Variants in GPC5 observed in about 807,000 individuals in gnomAD.
GPC5 encodes glypican 5.
GPC5 carries 47 observed loss-of-function variants against 53.9 expected under a neutral mutation model. The ratio of observed to expected loss-of-function variants is 0.87; its 90% confidence interval spans 0.69 to 1.11. The LOEUF is 1.11. Among genes scored for constraint, GPC5 ranks in the 50% most tolerant of loss-of-function variants. The probability of loss-of-function intolerance (pLI) is 0.00; values close to 1 mark genes in which losing one functional copy is unlikely to be tolerated. For synonymous variants in GPC5, 286 were observed against 263.3 expected (o/e 1.09, Z -0.84); for missense variants, 748 against 713.1 (o/e 1.05, Z -0.56).
intron 7 of GPC5, among the ~76,000 whole-genome samples, chr13:92,641,986 C>A (rs962151201): frequency 1.3e-5 from 2 of 151,886 alleles, no homozygotes; most frequent in African/African-American, 4.8e-5. Flanking sequence ...TATTCTGTTA[C>A]CAGATTTGTA....
chr13:91,994,961 T>TTTTTTAATTTTTTA (rs2040490312), intron 6 of GPC5: 1 of 149,890 alleles, frequency 6.7e-6, no homozygotes, highest in African/African-American at 2.5e-5. Flanking sequence ...CAAACTTACC[T>TTTTTTAATTTTTTA]TTTTTTATTT....
intron 6 of GPC5, among the ~76,000 whole-genome samples, chr13:92,001,593 T>G (rs1390289266): frequency 6.6e-6 from 1 of 152,134 alleles, no homozygotes; most frequent in Non-Finnish European, 1.5e-5. Flanking sequence ...CACTAATTTT[T>G]AATTGAAAAA....
At chr13:92,825,280 T>C (rs935467242) in intron 7 of GPC5, among the ~76,000 whole-genome samples, 1 of 152,154 alleles carries the variant, frequency 6.6e-6, no homozygotes. Context: ...TTATGGTGCA[T>C]ATAAATTTAC....
intron 7 of GPC5, among the ~76,000 whole-genome samples, chr13:92,480,327 A>G (rs1879300981): frequency 1.3e-5 from 2 of 152,190 alleles, no homozygotes; most frequent in African/African-American, 4.8e-5. Flanking sequence ...AAAGTGCAGT[A>G]TAATGTGCAG....
intron 7 of GPC5, among the ~76,000 whole-genome samples, chr13:92,368,868 C>A (rs1348795880): frequency 6.6e-6 from 1 of 151,796 alleles, no homozygotes; most frequent in Non-Finnish European, 1.5e-5. Flanking sequence ...GGAAGAATTC[C>A]CTTTGGTTTT....
chr13:92,163,622 T>C (rs1415251201), intron 7 of GPC5, among the ~76,000 whole-genome samples: 1 of 152,148 alleles, frequency 6.6e-6, no homozygotes, highest in Non-Finnish European at 1.5e-5. Context: ...CTCTTTGTTA[T>C]TGAAGAATAC....
At chr13:91,865,441 T>C (rs1223903558) in intron 5 of GPC5, among the ~76,000 whole-genome samples, 1 of 152,182 alleles carries the variant, frequency 6.6e-6, no homozygotes. Context: ...GTCTAGCTAA[T>C]GCCAACTATT....
intron 7 of GPC5, among the ~76,000 whole-genome samples, chr13:92,797,267 TAA>T (rs1369228864): frequency 1.3e-5 from 2 of 151,970 alleles, no homozygotes; most frequent in Non-Finnish European, 2.9e-5. Context: ...AAAATAATCA[TAA>T]GACTCAACAA....
intron 6 of GPC5, among the ~76,000 whole-genome samples, chr13:92,102,324 C>G (rs977993694): frequency 2.6e-5 from 4 of 152,022 alleles, no homozygotes; most frequent in African/African-American, 4.8e-5. Context: ...CTTTTCAGGC[C>G]TTGATGATTA....
At chr13:91,431,690 G>T (rs555640899) in intron 1 of GPC5, among the ~76,000 whole-genome samples, 1 of 152,198 alleles carries the variant, frequency 6.6e-6, no homozygotes, top group Non-Finnish European at 1.5e-5. Context: ...CAGAGGTGTG[G>T]GTTCACATTA....
chr13:92,709,273 G>T (rs1358069274), intron 7 of GPC5, among the ~76,000 whole-genome samples: 3 of 149,224 alleles, frequency 2.0e-5, no homozygotes, highest in Non-Finnish European at 4.4e-5. Flanking sequence ...TGACCACGCT[G>T]GTCTTGAACT....
At chr13:92,484,686 G>A (rs1342950095) in intron 7 of GPC5, 1 of 152,086 alleles carries the variant, frequency 6.6e-6, no homozygotes, top group African/African-American at 2.4e-5. Flanking sequence ...CAACATGTGA[G>A]TTTGGACCAT....
intron 7 of GPC5, among the ~76,000 whole-genome samples, chr13:92,305,465 A>T (rs981619050): frequency 1.3e-5 from 2 of 152,052 alleles, no homozygotes; most frequent in Non-Finnish European, 2.9e-5. Context: ...CCTTTTTTTT[A>T]AATTGGATCA....
intron 6 of GPC5, among the ~76,000 whole-genome samples, chr13:92,115,817 A>G (rs906149258): frequency 6.7e-6 from 1 of 149,024 alleles, no homozygotes; most frequent in Non-Finnish European, 1.5e-5. Context: ...CCCCACCCCC[A>G]CCGCAAAATT....
chr13:92,093,177 T>C (rs1297439715), intron 6 of GPC5, among the ~76,000 whole-genome samples: 1 of 152,174 alleles, frequency 6.6e-6, no homozygotes, highest in Non-Finnish European at 1.5e-5. Context: ...TCTAGAAAAG[T>C]CTATAAATTA....
chr13:92,107,023 T>G (rs1480745633), intron 6 of GPC5, among the ~76,000 whole-genome samples: 1 of 152,176 alleles, frequency 6.6e-6, no homozygotes, highest in Non-Finnish European at 1.5e-5. Flanking sequence ...TTTACATCAT[T>G]CACTTAATAT....
intron 5 of GPC5, among the ~76,000 whole-genome samples, chr13:91,845,737 G>C (rs899187207): frequency 6.6e-6 from 1 of 152,158 alleles, no homozygotes; most frequent in Non-Finnish European, 1.5e-5. Context: ...TACCGTGTCT[G>C]AGTGCCTTTC....
intron 5 of GPC5, among the ~76,000 whole-genome samples, chr13:91,868,567 T>C (rs1411105469): frequency 6.6e-6 from 1 of 152,028 alleles, no homozygotes; most frequent in East Asian, 1.9e-4. Context: ...TAGCTGGGTC[T>C]GGTGGCACAT....
At chr13:92,430,465 A>G (rs1451850477) in intron 7 of GPC5, among the ~76,000 whole-genome samples, 2 of 152,176 alleles carry the variant, frequency 1.3e-5, no homozygotes, top group East Asian at 3.8e-4. Flanking sequence ...TTATTTGAGA[A>G]TTAAATGCAA....
Sources: allele counts gnomAD v4.1 joint callset (sites outside exome capture counted in the v4.1 genomes callset), GRCh38; gene constraint gnomAD v4.1.1; transcripts MANE v1.5; gene names NCBI Gene and HGNC (gene_info 2026-07-23, HGNC 2026-07-21).